The following NUMA1 variants were observed in gnomAD, a reference collection of about 807,000 sequenced individuals.
NUMA1 encodes the protein SP-H antigen.
NUMA1 carries 62 observed loss-of-function variants against 237.1 expected under a neutral mutation model. The observed-to-expected ratio is 0.26, with a 90% CI of 0.21 to 0.32. NUMA1 has a LOEUF of 0.32. Among genes scored for constraint, NUMA1 ranks in the 10% least tolerant of loss-of-function variants. The pLI is 1.00. For missense variants in NUMA1, 2,533 were observed against 2,666.5 expected, an observed-to-expected ratio of 0.95 and a Z score of 1.10; for synonymous variants, 1,028 against 1,066.1, an observed-to-expected ratio of 0.96 and a Z score of 0.70.
intron 13 of NUMA1, 120 bp from the exon 14 acceptor site, chr11:72,016,650 G>T: frequency 7.6e-7 from 1 of 1,321,380 alleles, no homozygotes; most frequent in Non-Finnish European, 1.0e-6. Context: ...ATCTCCTTTT[G>T]CCCTGGCCTA....
chr11:72,015,496 G>A lies in NUMA1; in HGVS notation c.2007C>T (p.Ala669=), dbSNP rs1448761347. The change falls in exon 15 of 27, where the codon GCC becomes GCT. Residue 669 remains alanine, a synonymous_variant. Coordinates refer to ENST00000393695, the MANE Select transcript of NUMA1 (RefSeq NM_006185.4). The surrounding 1 kb of genome is among the most constrained non-coding windows in gnomAD (Gnocchi z 4.0). ...VETARQEQHE[A]QAQVAELELQ... Reference sequence around the variant, plus strand: ...ACTCTAGCTCTGCAACCTGGGCCTGGGCCTCATGCTGTTCCTGGCGGGCTG... The same window carrying A: ...ACTCTAGCTCTGCAACCTGGGCCTGAGCCTCATGCTGTTCCTGGCGGGCTG... 19 of 1,612,750 alleles carry A rather than the reference G, an allele frequency of 1.2e-5. No individual in the cohort carries two copies. Among genetic ancestry groups the A allele is most frequent in the Non-Finnish European group, 1.6e-5 (19 of 1,179,968 alleles).
chr11:72,058,374 A>G (rs756122271), intron 2 of NUMA1, among the ~76,000 whole-genome samples: 1 of 151,852 alleles, frequency 6.6e-6, no homozygotes, highest in Non-Finnish European at 1.5e-5. Flanking sequence ...TCTGCAACTT[A>G]TCTCATCTAA....
At chr11:72,046,403 G>T (rs1205723591) in intron 2 of NUMA1, among the ~76,000 whole-genome samples, 2 of 152,178 alleles carry the variant, frequency 1.3e-5, no homozygotes, top group Admixed American at 1.3e-4. Flanking sequence ...AATTAGCTGG[G>T]TGTGGTGGCG....
chr11:72,043,357 CTTTTT>C (rs35559801), intron 2 of NUMA1, among the ~76,000 whole-genome samples: 5 of 105,654 alleles, frequency 4.7e-5, no homozygotes, highest in African/African-American at 7.1e-5. Flanking sequence ...AGGCGGAGTT[CTTTTT>C]TTTTTTTTTT....
At chr11:72,024,616 A>C (rs1340113571) in intron 4 of NUMA1, 8 of 474,902 alleles carry the variant, frequency 1.7e-5, no homozygotes, top group Non-Finnish European at 3.1e-5. Context: ...GCAAACATAA[A>C]AAAGCTCTGT....
rs578217932 is a variant in NUMA1, at chr11:72,004,111, G to A, written c.6124-12C>T. 3 of 1,613,070 alleles carry A rather than the reference G, an allele frequency of 1.9e-6. No homozygotes were observed. Among genetic ancestry groups the A allele is most frequent in the African/African-American group, 2.7e-5 (2 of 74,996 alleles). On this transcript the variant is annotated splice_polypyrimidine_tract_variant and intron_variant, in intron 25 of 26. Coordinates refer to ENST00000393695, the MANE Select transcript of NUMA1 (RefSeq NM_006185.4). ...TGGCGCCGGTCAGCCTGCAAGGAAG[G>A]GCTGTCAGACCGGGAGACCCAATGC...
chr11:72,024,214 T>A, intron 5 of NUMA1, 60 bp downstream of exon 5: 1 of 1,497,786 alleles, frequency 6.7e-7, no homozygotes, highest in Non-Finnish European at 9.3e-7. Context: ...TCCTCTGGAC[T>A]CTCCAATCCC....
At chr11:72,076,781 T>C (rs1231195118) in intron 1 of NUMA1, 4 of 150,640 alleles carry the variant, frequency 2.7e-5, no homozygotes, top group Non-Finnish European at 5.9e-5. Context: ...GTAAAATCCA[T>C]CTTAAAAAAA....
At chr11:72,012,554 G>A in intron 15 of NUMA1, 112 bp from the exon 16 acceptor site, 6 of 1,049,100 alleles carry the variant, frequency 5.7e-6, no homozygotes, top group South Asian at 2.9e-5. Context: ...TAAGGAGCTA[G>A]ATTGACAGTA....
intron 1 of NUMA1, among the ~76,000 whole-genome samples, chr11:72,079,509 C>T (rs1189381843): frequency 1.3e-5 from 2 of 151,266 alleles, no homozygotes; most frequent in African/African-American, 2.4e-5. Context: ...CACTGCACTC[C>T]GGCCTGGGCG....
chr11:72,076,404 T>C (rs924226110), intron 1 of NUMA1, among the ~76,000 whole-genome samples: 15 of 151,924 alleles, frequency 9.9e-5, no homozygotes, highest in African/African-American at 3.6e-4. Context: ...TAAAATAAAA[T>C]TCTAGGAAGC....
At chr11:72,036,769 T>C (rs1330784760) in intron 2 of NUMA1, among the ~76,000 whole-genome samples, 2 of 152,140 alleles carry the variant, frequency 1.3e-5, no homozygotes, top group Non-Finnish European at 2.9e-5. Flanking sequence ...CCCAATTTCC[T>C]TTCCCATTGA....
chr11:72,029,743 T>C (rs890825309), intron 3 of NUMA1, among the ~76,000 whole-genome samples: 1 of 152,254 alleles, frequency 6.6e-6, no homozygotes, highest in Non-Finnish European at 1.5e-5. Flanking sequence ...CCTTGGATTT[T>C]TATATTATAG....
At chr11:72,004,955 GCCTCCTTT>G (rs1375872620) in intron 23 of NUMA1, 139 bp from the exon 24 acceptor site, 8 of 903,710 alleles carry the variant, frequency 8.9e-6, no homozygotes, top group Non-Finnish European at 1.3e-5. Context: ...AAGACACAAG[GCCTCCTTT>G]CCTGTTCTGC....
intron 4 of NUMA1, chr11:72,024,636 C>T: frequency 2.2e-6 from 1 of 444,870 alleles, no homozygotes. Context: ...TGGAAAGGGG[C>T]CGAGAGGAGA....
rs1956321524 is a variant in NUMA1, at chr11:72,013,944, A to C, written c.3559T>G (p.Ser1187Ala). 6 of 1,613,730 alleles carry C rather than the reference A, an allele frequency of 3.7e-6. No homozygotes were observed. Among genetic ancestry groups the C allele is most frequent in the Non-Finnish European group, 5.1e-6 (6 of 1,180,026 alleles). Residue 1187 changes from serine (S) to alanine (A), a missense_variant, in exon 15 of 27, where the codon TCG becomes GCG. Physicochemically the swap from Ser to Ala is moderately conservative, Grantham distance 99. Coordinates refer to ENST00000393695, the MANE Select transcript of NUMA1 (RefSeq NM_006185.4). This position sits in a 1 kb window ranked among gnomAD's most constrained non-coding sequence, Gnocchi z 6.8. ...AAGGCAGCCAACTCCCGTTGGGCCG[A>C]GGCTAAGGCACTCTGACTGTGCCCT... ...ELGHSQSALA[S>A]AQRELAAFRT... is the part of the protein sequence containing the mutation.
intron 7 of NUMA1, 84 bp from the exon 8 acceptor site, chr11:72,021,375 C>A: frequency 8.3e-7 from 1 of 1,209,630 alleles, no homozygotes. Flanking sequence ...CTGGCAGTGC[C>A]AGTCCCCGGC....
intron 4 of NUMA1, among the ~76,000 whole-genome samples, chr11:72,025,228 T>A (rs1422303511): frequency 6.6e-6 from 1 of 152,166 alleles, no homozygotes; most frequent in Non-Finnish European, 1.5e-5. Flanking sequence ...TGTCTGTACT[T>A]GCTTAACTGG....
At chr11:72,019,261 G>A (rs559693850) in intron 9 of NUMA1, among the ~76,000 whole-genome samples, 1 of 152,256 alleles carries the variant, frequency 6.6e-6, no homozygotes, top group South Asian at 2.1e-4. Flanking sequence ...TGTAGTCTCC[G>A]AGGAAGAAGG....
Sources: allele counts gnomAD v4.1 joint callset (sites outside exome capture counted in the v4.1 genomes callset), GRCh38; gene constraint gnomAD v4.1.1; non-coding constraint Gnocchi (gnomAD v3.1); transcripts MANE v1.5; gene names NCBI Gene and HGNC (gene_info 2026-07-23, HGNC 2026-07-21).